The following CYP2C19 variants were observed in gnomAD, a reference collection of about 807,000 sequenced individuals.
The protein encoded by CYP2C19 is cytochrome P450 family 2 subfamily C member 19, also known as cytochrome P450 2C19.
A neutral mutation model predicts 40.9 loss-of-function variants in CYP2C19; 59 were observed. That is an observed-to-expected ratio of 1.44 (90% CI 1.17 to 1.79). CYP2C19 has a LOEUF of 1.79. Ranked by LOEUF, CYP2C19 falls within the 40% of genes most tolerant of loss-of-function variation. The pLI is 0.00. For missense variants in CYP2C19, 754 were observed against 596.9 expected (o/e 1.26, Z -2.74); for synonymous variants, 253 against 208.7 (o/e 1.21, Z -1.83).
At chr10:94,836,209 C>T (rs2093435) in intron 6 of CYP2C19, among the ~76,000 whole-genome samples, 150,259 of 152,274 alleles carry the variant, frequency 0.99, 74,165 homozygotes, top group East Asian at 1. Flanking sequence ...ATCATGGATG[C>T]CCACACAGTA....
chr10:94,789,624 T>A (rs1176369130), intron 5 of CYP2C19, among the ~76,000 whole-genome samples: 1 of 152,154 alleles, frequency 6.6e-6, no homozygotes, highest in African/African-American at 2.4e-5. Context: ...TTTCTTTTTT[T>A]GTCAGGTTTG....
At chr10:94,772,082 T>G (rs1473220220) in intron 1 of CYP2C19, among the ~76,000 whole-genome samples, 7 of 152,098 alleles carry the variant, frequency 4.6e-5, no homozygotes, top group Non-Finnish European at 1.0e-4. Flanking sequence ...CCTATGAAGA[T>G]GTTATGCCCC....
At position 94,830,940 on chromosome 10, in the gene CYP2C19, A is replaced by T. The variant is rs188190339; in HGVS notation, c.961+10303A>T. On this transcript the variant is annotated intron_variant, in intron 6 of 8. Coordinates refer to ENST00000371321, the MANE Select transcript of CYP2C19 (RefSeq NM_000769.4). The stretch of plus-strand genomic sequence containing the variant: ...TACACTCTTTCAGTTATTTTAAAAT[A>T]TACAATTAAGTTATTATTGACCATA... 1.6e-3 allele frequency among the ~76,000 whole-genome samples: 240 copies of T among 152,302 alleles called. 2 individuals are homozygous for T. Among genetic ancestry groups the T allele is most frequent in the Non-Finnish European group, 2.8e-3 (188 of 68,026 alleles).
At chr10:94,812,255 G>C (rs1194528617) in intron 5 of CYP2C19, among the ~76,000 whole-genome samples, 1 of 152,186 alleles carries the variant, frequency 6.6e-6, no homozygotes, top group Non-Finnish European at 1.5e-5. Context: ...CTGTTAGTCT[G>C]ACAGGCTTCC....
In CYP2C19 at chr10:94,852,851, T is replaced by G. The variant is rs572714592; in HGVS notation, c.1410T>G (p.Thr470=). The G allele has an allele frequency of 6.2e-7, 1 of 1,614,024 alleles. No individual in the cohort carries two copies. The highest frequency in any genetic ancestry group is 8.5e-7 in the Non-Finnish European group (1 of 1,179,958). ...TTGACCCAAAGGACCTTGACACAACTCCTGTTGTCAATGGATTTGCTTCTG... is the reference window on the plus strand; with the variant it reads ...TTGACCCAAAGGACCTTGACACAACGCCTGTTGTCAATGGATTTGCTTCTG... ...SLIDPKDLDT[T]PVVNGFASVP... is the part of the protein sequence containing the mutation. The change falls in exon 9 of 9, where the codon ACT becomes ACG. Residue 470 remains threonine, a synonymous_variant. Transcript: ENST00000371321.
intron 8 of CYP2C19, among the ~76,000 whole-genome samples, chr10:94,851,912 G>A (rs1364498609): frequency 6.6e-6 from 1 of 152,342 alleles, no homozygotes; most frequent in Non-Finnish European, 1.5e-5. Flanking sequence ...GCATGAACAT[G>A]ATGTTGAGGA....
At chr10:94,776,912 A>G (rs1228736906) in intron 3 of CYP2C19, among the ~76,000 whole-genome samples, 6 of 152,130 alleles carry the variant, frequency 3.9e-5, no homozygotes, top group Admixed American at 3.9e-4. Context: ...CCATTGTCTC[A>G]TCCCCAAAAC....
chr10:94,799,725 T>C (rs1330660687), intron 5 of CYP2C19, among the ~76,000 whole-genome samples: 2 of 152,196 alleles, frequency 1.3e-5, no homozygotes, highest in African/African-American at 4.8e-5. Context: ...AAACTTGTCT[T>C]CTCACTTTAT....
chr10:94,803,651 G>T (rs567414745), intron 5 of CYP2C19, among the ~76,000 whole-genome samples: 4 of 152,184 alleles, frequency 2.6e-5, no homozygotes, highest in African/African-American at 9.7e-5. Context: ...AAGCCCCCAG[G>T]GTTGTGCTAG....
chr10:94,843,692 A>T (rs560302876), intron 7 of CYP2C19, among the ~76,000 whole-genome samples: 1 of 152,282 alleles, frequency 6.6e-6, no homozygotes, highest in East Asian at 1.9e-4. Context: ...TGAACAGTAC[A>T]CTGTATCTGT....
chr10:94,825,902 T>C (rs1849211679), intron 6 of CYP2C19, among the ~76,000 whole-genome samples: 1 of 151,778 alleles, frequency 6.6e-6, no homozygotes, highest in Non-Finnish European at 1.5e-5. Flanking sequence ...CAGCACCATT[T>C]ATTAAATAGG....
At chr10:94,766,097 G>A (rs975358223) in intron 1 of CYP2C19, among the ~76,000 whole-genome samples, 2 of 152,112 alleles carry the variant, frequency 1.3e-5, no homozygotes, top group African/African-American at 4.8e-5. Flanking sequence ...AAGTTGGAAA[G>A]GGTCTTTTCC....
chr10:94,795,796 T>G (rs1041209161), intron 5 of CYP2C19, among the ~76,000 whole-genome samples: 3 of 152,154 alleles, frequency 2.0e-5, no homozygotes, highest in African/African-American at 7.2e-5. Context: ...GCTGCATAAA[T>G]GTCTTCTTTT....
At chr10:94,852,427 G>A (rs1057136911) in intron 8 of CYP2C19, among the ~76,000 whole-genome samples, 1 of 152,170 alleles carries the variant, frequency 6.6e-6, no homozygotes, top group African/African-American at 2.4e-5. Context: ...TGAATTGCTT[G>A]GCATGTAGCT....
intron 5 of CYP2C19, among the ~76,000 whole-genome samples, chr10:94,816,241 T>G (rs1433472834): frequency 6.6e-6 from 1 of 150,842 alleles, no homozygotes; most frequent in Non-Finnish European, 1.5e-5. Context: ...GTATTTTTTC[T>G]TTCTTTTTTT....
chr10:94,801,394 C>A (rs932137139), intron 5 of CYP2C19, among the ~76,000 whole-genome samples: 1 of 152,156 alleles, frequency 6.6e-6, no homozygotes, highest in East Asian at 1.9e-4. Flanking sequence ...ACCATGTCAT[C>A]ATGCAGTTTT....
chr10:94,844,631 A>G (rs1269930788), intron 7 of CYP2C19, among the ~76,000 whole-genome samples: 1 of 152,200 alleles, frequency 6.6e-6, no homozygotes, highest in Non-Finnish European at 1.5e-5. Context: ...TAAGGTTGAA[A>G]TTACTAATGT....
chr10:94,839,622 G>C (rs1300451394), intron 6 of CYP2C19, among the ~76,000 whole-genome samples: 1 of 152,240 alleles, frequency 6.6e-6, no homozygotes, highest in Non-Finnish European at 1.5e-5. Flanking sequence ...TCAGGATTGA[G>C]ATAGTCTTTT....
chr10:94,790,102 A>T (rs148214119), intron 5 of CYP2C19, among the ~76,000 whole-genome samples: 11,076 of 152,072 alleles, frequency 0.073, 464 homozygotes, highest in South Asian at 0.12. Flanking sequence ...TTCTCTTTGT[A>T]GCAATTGTGA....
Sources: gnomAD v4.1 joint callset for allele counts (sites outside exome capture counted in the v4.1 genomes callset) on GRCh38, gnomAD v4.1.1 for gene constraint, MANE v1.5 for transcripts, NCBI Gene and HGNC (gene_info 2026-07-23, HGNC 2026-07-21) for gene names.